Variants in EFCAB8 observed in about 807,000 individuals in gnomAD.
EFCAB8 encodes EF-hand calcium binding domain 8.
In EFCAB8, 100 loss-of-function variants were observed where a neutral mutation model predicts 116.3. The ratio of observed to expected loss-of-function variants is 0.86; its 90% CI spans 0.73 to 1.02. The LOEUF is 1.02. Ranked by LOEUF, EFCAB8 falls within the 50% of genes least tolerant of loss-of-function variation. The probability of loss-of-function intolerance (pLI) is 0.00; values close to 1 mark genes in which losing one functional copy is unlikely to be tolerated. For missense variants in EFCAB8, 1,320 were observed against 1,416.9 expected, an observed-to-expected ratio of 0.93 and a Z score of 1.10; for synonymous variants, 558 against 567.9, an observed-to-expected ratio of 0.98 and a Z score of 0.25.
chr20:32,904,584 C>G (rs1986586882), intron 11 of EFCAB8, among the ~76,000 whole-genome samples: 1 of 149,906 alleles, frequency 6.7e-6, no homozygotes, highest in Admixed American at 6.7e-5. Context: ...CAGGTGTGAG[C>G]CACCACACCT....
intron 7 of EFCAB8, among the ~76,000 whole-genome samples, chr20:32,890,089 A>G (rs1284046368): frequency 6.6e-6 from 1 of 151,954 alleles, no homozygotes; most frequent in East Asian, 1.9e-4. Context: ...CCCTCTGCAG[A>G]AAGCCTTCAC....
At chr20:32,901,625 C>T (rs1986432350) in intron 11 of EFCAB8, among the ~76,000 whole-genome samples, 1 of 152,264 alleles carries the variant, frequency 6.6e-6, no homozygotes, top group Admixed American at 6.5e-5. Flanking sequence ...CAGGCGTGCT[C>T]CTGCGCCAGG....
chr20:32,918,662 G>A, intron 19 of EFCAB8, 88 bp downstream of exon 19: 1 of 1,359,932 alleles, frequency 7.4e-7, no homozygotes, highest in Non-Finnish European at 1.0e-6. Flanking sequence ...TTCTTATTGG[G>A]ATGTACTTTT....
At chr20:32,878,908 C>A in intron 5 of EFCAB8, 101 bp downstream of exon 5, 1 of 1,009,202 alleles carries the variant, frequency 9.9e-7, no homozygotes, top group Non-Finnish European at 1.5e-6. Context: ...CTTGCTGGTG[C>A]TGACCAGGGG....
At chr20:32,860,543 T>C (rs898864247) in intron 1 of EFCAB8, among the ~76,000 whole-genome samples, 2 of 145,256 alleles carry the variant, frequency 1.4e-5, no homozygotes, top group African/African-American at 5.2e-5. Context: ...GTCTTACTCT[T>C]TTGCCTAGGC....
In EFCAB8 at chr20:32,906,630, G is replaced by A; in HGVS notation, c.1156+1G>A. ...TACTGCCCAGACAGGAACTTCCTGG[G>A]TAAGTCACCTTCATGTCACCCAGAA... On this transcript the variant is annotated splice_donor_variant, in intron 12 of 26. Coordinates refer to ENST00000400522, the MANE Select transcript of EFCAB8 (RefSeq NM_001143967.2). LOFTEE classifies it high-confidence loss of function. 1 of 718,226 alleles carries A rather than the reference G, an allele frequency of 1.4e-6. No individual in the cohort carries two copies. The highest frequency in any genetic ancestry group is 2.6e-6 in the Non-Finnish European group (1 of 385,078). The allele number at this position is 718,226 out of a possible 1,614,324, so 44.5% of individuals were successfully genotyped here.
intron 2 of EFCAB8, among the ~76,000 whole-genome samples, chr20:32,864,391 T>C (rs1984281734): frequency 6.6e-6 from 1 of 152,014 alleles, no homozygotes; most frequent in Non-Finnish European, 1.5e-5. Flanking sequence ...GAGACCTGCC[T>C]GGGCAACATA....
At chr20:32,898,218 G>A (rs1184774879) in intron 10 of EFCAB8, among the ~76,000 whole-genome samples, 1 of 152,188 alleles carries the variant, frequency 6.6e-6, no homozygotes, top group Non-Finnish European at 1.5e-5. Context: ...TGATTAGTAT[G>A]GGCCTGACCT....
At position 32,918,518 on chromosome 20, in the gene EFCAB8, C is replaced by T. The variant is rs889014034; in HGVS notation, c.2218C>T (p.Pro740Ser). ...CCTGAGGCGGAGCCTGGTGTCGGCT[C>T]CCCCAGTGATGCGGTGCCCGAGAGA... ...TNLRRSLVSA[P>S]PVMRCPRDKE... is the part of the protein sequence containing the mutation. Residue 740 changes from proline (P) to serine (S), a missense_variant, in exon 19 of 27, where the codon CCC becomes TCC. Pro to Ser is a moderately conservative substitution (Grantham distance 74, BLOSUM62 -1). Transcript: ENST00000400522. 3.9e-6 allele frequency: 6 copies of T among 1,551,510 alleles called. No individual in the cohort carries two copies. In the African/African-American group the frequency reaches 6.8e-5, roughly 18 times the overall value.
At chr20:32,957,260 C>A (rs539850077) in intron 23 of EFCAB8, among the ~76,000 whole-genome samples, 2 of 151,244 alleles carry the variant, frequency 1.3e-5, no homozygotes, top group Admixed American at 6.6e-5. Context: ...ATGCCTATTT[C>A]TTCTCTTGAT....
chr20:32,904,603 CTT>C lies in EFCAB8; in HGVS notation c.1089-1939_1089-1938del, dbSNP rs35810642. ...TGTGAGCCACCACACCTGAATGGAG[CTT>C]TTTTTTTTTTTTTTTTTTTAAGGCG... On this transcript the variant is annotated intron_variant, in intron 11 of 26. Transcript: ENST00000400522. Among the ~76,000 whole-genome samples the C allele has an allele frequency of 5.7e-3, 550 of 96,312 alleles. 2 individuals are homozygous for C. Among genetic ancestry groups the C allele is most frequent in the Middle Eastern group, 7.4e-3 (1 of 136 alleles). 63.2% of individuals were successfully genotyped at this position (96,312 alleles called of 152,430 possible).
Position 32,940,619 on chromosome 20 carries a change from G to A in EFCAB8, c.2791-3017G>A, listed in dbSNP as rs934555701. ...AAACTTTTGGGCTGCAAAGGATACC[G>A]TCAAGAAAGTGAAAGGGTAACCTGA... On this transcript the variant is annotated intron_variant, in intron 22 of 26. Coordinates refer to ENST00000400522, the MANE Select transcript of EFCAB8 (RefSeq NM_001143967.2). Among the ~76,000 whole-genome samples the A allele has an allele frequency of 1.5e-4, 22 of 149,818 alleles. 2 individuals are homozygous for A. Among genetic ancestry groups the A allele is most frequent in the African/African-American group, 3.7e-4 (15 of 40,368 alleles).
intron 15 of EFCAB8, 39 bp from the exon 16 acceptor site, chr20:32,911,441 C>T (rs949577314): frequency 3.1e-5 from 44 of 1,436,934 alleles, no homozygotes; most frequent in Middle Eastern, 4.8e-4. Context: ...GTGGAGGCCC[C>T]GGCCTCTCCA....
In EFCAB8 at chr20:32,908,427, A is replaced by G. The variant is rs1459386817; in HGVS notation, c.1446+15A>G. ...GCACCTACTCAGTGAGTGCTGTCCC[A>G]GGAGGGAGTGGGGTCAAGGCCGCAG... is the stretch of plus-strand genomic sequence containing the variant. On this transcript the variant is annotated intron_variant, in intron 14 of 26. Transcript: ENST00000400522. 8.0e-7 allele frequency: 1 copy of G among 1,249,830 alleles called. No homozygotes were observed. The highest frequency in any genetic ancestry group is 1.0e-6 in the Non-Finnish European group (1 of 988,296). The allele number at this position is 1,249,830 out of a possible 1,614,324, so 77.4% of individuals were successfully genotyped here. A position where few individuals can be genotyped will look rare whatever the true frequency, so the allele number is the denominator to read the frequency against.
chr20:32,878,405 C>G (rs1210268864), intron 4 of EFCAB8, among the ~76,000 whole-genome samples: 1 of 151,780 alleles, frequency 6.6e-6, no homozygotes, highest in East Asian at 1.9e-4. Flanking sequence ...TGTTGCTTGG[C>G]CACCTGCCCT....
intron 5 of EFCAB8, among the ~76,000 whole-genome samples, chr20:32,881,746 A>G (rs990454288): frequency 6.6e-6 from 1 of 152,210 alleles, no homozygotes; most frequent in Non-Finnish European, 1.5e-5. Context: ...CATAGAGAAT[A>G]GGGTTACACG....
At position 32,899,826 on chromosome 20, in the gene EFCAB8, G is replaced by A. The variant is rs578099174; in HGVS notation, c.1088+1203G>A. On this transcript the variant is annotated intron_variant, in intron 11 of 26. Transcript: ENST00000400522. ...TGATCTCAGGTTATCAGCCCGCCTC[G>A]GCCTCCCAAAGTGCTGGGATTGCAG... Among the ~76,000 whole-genome samples the A allele has an allele frequency of 5.6e-4, 85 of 152,092 alleles. 1 individual carries two copies. The highest frequency in any genetic ancestry group is 1.9e-3 in the African/African-American group (80 of 41,514).
chr20:32,876,059 C>A lies in EFCAB8; in HGVS notation c.327+15C>A, dbSNP rs1326837106. The A allele has an allele frequency of 6.5e-7, 1 of 1,549,030 alleles. No homozygotes were observed. The highest frequency in any genetic ancestry group is 1.4e-5 in the African/African-American group (1 of 72,964). On this transcript the variant is annotated intron_variant, in intron 4 of 26. Coordinates refer to ENST00000400522, the MANE Select transcript of EFCAB8 (RefSeq NM_001143967.2). ...TTGTCACCTGGGTGAGGAGGGTGCC[C>A]CTGCTTCCTCAGGTGCTGGAGGGAG...
intron 17 of EFCAB8, chr20:32,917,064 AT>A: frequency 3.8e-6 from 2 of 527,460 alleles, no homozygotes; most frequent in Non-Finnish European, 6.8e-6. Flanking sequence ...TGTATTACAC[AT>A]TGACTATCTG....
Sources: gnomAD v4.1 joint callset for allele counts (sites outside exome capture counted in the v4.1 genomes callset) on GRCh38, gnomAD v4.1.1 for gene constraint, MANE v1.5 for transcripts, NCBI Gene and HGNC (gene_info 2026-07-23, HGNC 2026-07-21) for gene names.